DPP6: variants seen among roughly 807,000 people sequenced by gnomAD.
DPP6 encodes dipeptidyl peptidase like 6.
A neutral mutation model predicts 122.6 loss-of-function variants in DPP6; 69 were observed. That is an observed-to-expected ratio of 0.56 (90% confidence interval 0.46 to 0.69). DPP6 has a LOEUF of 0.69. Among genes scored for constraint, DPP6 ranks in the 30% least tolerant of loss-of-function variants. The pLI is 0.00. For synonymous variants in DPP6, 418 were observed against 433.1 expected (o/e 0.97, Z 0.43); for missense variants, 928 against 1,116.9 (o/e 0.83, Z 2.41).
At chr7:154,575,448 G>GTGTGTGA (rs1831560874) in intron 5 of DPP6, among the ~76,000 whole-genome samples, 1 of 119,718 alleles carries the variant, frequency 8.4e-6, no homozygotes, top group African/African-American at 3.3e-5. Context: ...TGTGGTGTGT[G>GTGTGTGA]TATGTGTGTG....
intron 1 of DPP6, among the ~76,000 whole-genome samples, chr7:153,904,519 G>C (rs983907764): frequency 6.6e-6 from 1 of 152,092 alleles, no homozygotes; most frequent in Non-Finnish European, 1.5e-5. Flanking sequence ...GGGCAGAAAG[G>C]GTATAGTGGT....
Position 154,760,570 on chromosome 7 carries a change from T to C in DPP6, c.884-8847T>C, listed in dbSNP as rs975223132. Among the ~76,000 whole-genome samples the C allele has an allele frequency of 9.2e-5, 14 of 152,152 alleles. No homozygotes were observed. Among genetic ancestry groups the C allele is most frequent in the Non-Finnish European group, 2.9e-5 (2 of 68,026 alleles). On this transcript the variant is annotated intron_variant, in intron 8 of 25. Coordinates refer to ENST00000377770, the MANE Select transcript of DPP6 (RefSeq NM_130797.4). This position sits in a 1 kb window ranked among gnomAD's most constrained non-coding sequence, Gnocchi z 4.5. Reference sequence around the variant, plus strand: ...TTAACTCTTTGAGGCATTGTTTCATTATTAGGATGCTTGCTTATTTCTTGT... The same window carrying C: ...TTAACTCTTTGAGGCATTGTTTCATCATTAGGATGCTTGCTTATTTCTTGT...
intron 16 of DPP6, among the ~76,000 whole-genome samples, chr7:154,828,118 G>A (rs1406063112): frequency 2.0e-5 from 3 of 152,088 alleles, no homozygotes; most frequent in Non-Finnish European, 4.4e-5. Flanking sequence ...CTGTAGGAGT[G>A]CGCCTGTGTG....
chr7:154,890,946 G>C (rs1806550389), intron 25 of DPP6: 1 of 152,212 alleles, frequency 6.6e-6, no homozygotes, highest in Admixed American at 6.5e-5. Flanking sequence ...GTAGGTTTTG[G>C]GCCAGATGCA....
chr7:154,722,998 TGC>T (rs1425460808), intron 7 of DPP6, among the ~76,000 whole-genome samples: 2 of 152,164 alleles, frequency 1.3e-5, no homozygotes, highest in African/African-American at 4.8e-5. Context: ...CAGTGGCTTA[TGC>T]CTGTAATCCC....
At chr7:153,896,163 C>A (rs1282464886) in intron 1 of DPP6, among the ~76,000 whole-genome samples, 1 of 152,188 alleles carries the variant, frequency 6.6e-6, no homozygotes. Context: ...TTAAGCCACA[C>A]ATAGTTTTAT....
intron 16 of DPP6, among the ~76,000 whole-genome samples, chr7:154,816,852 G>T (rs986861112): frequency 6.6e-6 from 1 of 152,132 alleles, no homozygotes; most frequent in Admixed American, 6.5e-5. Flanking sequence ...AGCGGCCATG[G>T]ATGCCAGAGC....
At chr7:153,815,869 A>C in the DPP6 span, among the ~76,000 whole-genome samples, 1 of 152,192 alleles carries the variant, frequency 6.6e-6, no homozygotes, top group Non-Finnish European at 1.5e-5. Flanking sequence ...ATGATGAGAT[A>C]GTTACAGAAA....
At chr7:154,157,195 A>G (rs1796727883) in intron 1 of DPP6, among the ~76,000 whole-genome samples, 1 of 152,406 alleles carries the variant, frequency 6.6e-6, no homozygotes, top group East Asian at 1.9e-4. Context: ...CATATGTGAC[A>G]CATCCTTATC....
intron 10 of DPP6, among the ~76,000 whole-genome samples, chr7:154,780,593 G>A (rs764242853): frequency 1.3e-5 from 2 of 152,226 alleles, no homozygotes; most frequent in Non-Finnish European, 2.9e-5. Flanking sequence ...ACTGGACAAG[G>A]TTTGCCAAGG....
intron 2 of DPP6, among the ~76,000 whole-genome samples, chr7:154,446,541 T>A (rs1819887875): frequency 6.6e-6 from 1 of 152,232 alleles, no homozygotes; most frequent in East Asian, 1.9e-4. Context: ...TACGTGGAAA[T>A]GCTTGGCATA....
the DPP6 span, among the ~76,000 whole-genome samples, chr7:153,765,208 A>G: frequency 2.2e-4 from 34 of 152,150 alleles, no homozygotes; most frequent in African/African-American, 8.2e-4. Flanking sequence ...CTTGGGCTGC[A>G]GGGACACTTG....
intron 1 of DPP6, among the ~76,000 whole-genome samples, chr7:154,401,428 C>G (rs1586167824): frequency 6.6e-6 from 1 of 151,896 alleles, no homozygotes; most frequent in Non-Finnish European, 1.5e-5. Context: ...ATTTTTTGAC[C>G]CTGAGAAAAG....
At chr7:154,161,351 G>T (rs1796972556) in intron 1 of DPP6, among the ~76,000 whole-genome samples, 1 of 152,140 alleles carries the variant, frequency 6.6e-6, no homozygotes, top group East Asian at 1.9e-4. Context: ...ACAAAAATTA[G>T]CTGGGCATGG....
chr7:154,786,360 G>A (rs1196830434), intron 10 of DPP6, among the ~76,000 whole-genome samples: 1 of 152,152 alleles, frequency 6.6e-6, no homozygotes, highest in Non-Finnish European at 1.5e-5. Context: ...GATATGGTTT[G>A]GCTATGTCCC....
intron 8 of DPP6, among the ~76,000 whole-genome samples, chr7:154,743,225 CT>C (rs1332734721): frequency 6.6e-6 from 1 of 152,128 alleles, no homozygotes; most frequent in Non-Finnish European, 1.5e-5. Flanking sequence ...AGATAGAGTA[CT>C]TCCTTTTGTT....
At chr7:154,700,713 G>A (rs55821636) in intron 7 of DPP6, among the ~76,000 whole-genome samples, 10 of 151,638 alleles carry the variant, frequency 6.6e-5, no homozygotes, top group Non-Finnish European at 1.2e-4. Flanking sequence ...ATAGGGCGGT[G>A]GCCCCTCGAA....
At chr7:154,583,999 T>G (rs1832263879) in intron 5 of DPP6, among the ~76,000 whole-genome samples, 1 of 152,154 alleles carries the variant, frequency 6.6e-6, no homozygotes, top group African/African-American at 2.4e-5. Context: ...TTGGGATATG[T>G]CCCTTCCACT....
intron 7 of DPP6, among the ~76,000 whole-genome samples, chr7:154,679,253 C>T (rs139306496): frequency 6.6e-6 from 1 of 152,310 alleles, no homozygotes; most frequent in East Asian, 1.9e-4. Flanking sequence ...CAATTTCTAC[C>T]TCCTGAAGTC....
Sources: gnomAD v4.1 joint callset for allele counts (sites outside exome capture counted in the v4.1 genomes callset) on GRCh38, gnomAD v4.1.1 for gene constraint, Gnocchi (gnomAD v3.1) non-coding constraint, MANE v1.5 for transcripts, NCBI Gene and HGNC (gene_info 2026-07-23, HGNC 2026-07-21) for gene names.